The following OTUD7A variants were observed in gnomAD, a reference collection of about 807,000 sequenced individuals.
The protein encoded by OTUD7A is OTU domain-containing protein 7A.
Under a neutral mutation model 65.7 loss-of-function variants are expected in OTUD7A, and 12 were observed. That is an observed-to-expected ratio of 0.18 (90% CI 0.12 to 0.30). The LOEUF (loss-of-function observed/expected upper bound fraction) is 0.30. Ranked by LOEUF, OTUD7A falls within the 10% of genes least tolerant of loss-of-function variation. The pLI is 1.00. For missense variants in OTUD7A, 1,148 were observed against 1,304.8 expected, an observed-to-expected ratio of 0.88 and a Z score of 1.85; for synonymous variants, 641 against 586.3, an observed-to-expected ratio of 1.09 and a Z score of -1.35.
At chr15:31,735,515 CA>C (rs1436222047) in intron 1 of OTUD7A, among the ~76,000 whole-genome samples, 1 of 136,950 alleles carries the variant, frequency 7.3e-6, no homozygotes, top group Non-Finnish European at 1.6e-5. Context: ...GCCTGGGCAA[CA>C]GAGTGAAACT....
At chr15:31,773,097 A>G (rs948391363) in intron 1 of OTUD7A, among the ~76,000 whole-genome samples, 20 of 152,248 alleles carry the variant, frequency 1.3e-4, no homozygotes, top group African/African-American at 4.6e-4. Flanking sequence ...TATAAATTCT[A>G]TAAACATTTA....
chr15:31,846,268 TA>T (rs1256243638), intron 1 of OTUD7A, among the ~76,000 whole-genome samples: 41 of 152,352 alleles, frequency 2.7e-4, no homozygotes, highest in African/African-American at 9.6e-4. Flanking sequence ...ACCAGATGGG[TA>T]AGTTGGCCCA....
intron 3 of OTUD7A, among the ~76,000 whole-genome samples, chr15:31,591,044 G>A (rs907346013): frequency 6.6e-6 from 1 of 152,152 alleles, no homozygotes; most frequent in Non-Finnish European, 1.5e-5. Context: ...GTATTGCAGA[G>A]GAGCCAGGGG....
chr15:31,540,901 T>C (rs1422680368), intron 5 of OTUD7A, among the ~76,000 whole-genome samples: 1 of 152,136 alleles, frequency 6.6e-6, no homozygotes, highest in East Asian at 1.9e-4. Context: ...TGGTGCTGCT[T>C]AAAGGGAGGT....
Position 31,679,957 on chromosome 15 carries a change from T to C in OTUD7A, c.-99-22880A>G, listed in dbSNP as rs570705312. 2.6e-5 allele frequency among the ~76,000 whole-genome samples: 4 copies of C among 152,242 alleles called. No homozygotes were observed. The East Asian group carries it at 5.8e-4, about 22-fold the overall frequency. ...GGTATTCAAAGGACCAATTAAAAAATTGGCATATTATATGATTGTGTAATT... is the reference window on the plus strand; with the variant it reads ...GGTATTCAAAGGACCAATTAAAAAACTGGCATATTATATGATTGTGTAATT... On this transcript the variant is annotated intron_variant, in intron 1 of 12. Transcript: ENST00000307050.
chr15:31,720,868 TG>T (rs1244457917), intron 1 of OTUD7A, among the ~76,000 whole-genome samples: 3 of 151,330 alleles, frequency 2.0e-5, no homozygotes, highest in African/African-American at 7.3e-5. Flanking sequence ...GCTCCATCCA[TG>T]GTAAGTGCCC....
chr15:31,833,075 G>A (rs1896974213), intron 1 of OTUD7A, among the ~76,000 whole-genome samples: 1 of 152,154 alleles, frequency 6.6e-6, no homozygotes, highest in East Asian at 1.9e-4. Context: ...CTTATTTTCT[G>A]TTTTTATTTT....
intron 3 of OTUD7A, among the ~76,000 whole-genome samples, chr15:31,636,110 T>C (rs1297650456): frequency 6.6e-6 from 1 of 152,236 alleles, no homozygotes; most frequent in East Asian, 1.9e-4. Flanking sequence ...CAGACACACC[T>C]CATTTTACTG....
chr15:31,668,459 TTTGCATTTCTATAAGTG>T (rs1409594931), intron 1 of OTUD7A, among the ~76,000 whole-genome samples: 1 of 152,180 alleles, frequency 6.6e-6, no homozygotes, highest in Non-Finnish European at 1.5e-5. Flanking sequence ...TCCAAAGCAT[TTTGCATTTCTATAAGTG>T]TGTCCAGTGT....
chr15:31,666,073 G>A (rs1342174989), intron 1 of OTUD7A, among the ~76,000 whole-genome samples: 1 of 151,734 alleles, frequency 6.6e-6, no homozygotes, highest in Non-Finnish European at 1.5e-5. Context: ...ATTTTGTTAA[G>A]GATTTTAGCA....
At chr15:31,673,356 C>T (rs759078398) in intron 1 of OTUD7A, among the ~76,000 whole-genome samples, 9 of 152,174 alleles carry the variant, frequency 5.9e-5, no homozygotes, top group Non-Finnish European at 8.8e-5. Flanking sequence ...TTTGTAAGGA[C>T]CCAAAACATG....
intron 3 of OTUD7A, among the ~76,000 whole-genome samples, chr15:31,637,277 A>G (rs545136627): frequency 1.3e-5 from 2 of 152,348 alleles, no homozygotes; most frequent in African/African-American, 4.8e-5. Flanking sequence ...TAAGAATGAC[A>G]CTAAATCTAC....
chr15:31,740,388 A>C (rs1157117440), intron 1 of OTUD7A, among the ~76,000 whole-genome samples: 1 of 142,466 alleles, frequency 7.0e-6, no homozygotes, highest in Non-Finnish European at 1.5e-5. Flanking sequence ...TAGAGCTCAC[A>C]TGTGATGGGG....
intron 1 of OTUD7A, among the ~76,000 whole-genome samples, chr15:31,686,901 T>C (rs2141313203): frequency 6.6e-6 from 1 of 152,348 alleles, no homozygotes; most frequent in Non-Finnish European, 1.5e-5. Context: ...AGTAACCTTT[T>C]CAGAGGAAGT....
At chr15:31,829,682 A>G (rs972222790) in intron 1 of OTUD7A, among the ~76,000 whole-genome samples, 10 of 152,166 alleles carry the variant, frequency 6.6e-5, no homozygotes, top group African/African-American at 2.4e-4. Flanking sequence ...TTCAGTTCTG[A>G]AGAAAGATCC....
intron 1 of OTUD7A, among the ~76,000 whole-genome samples, chr15:31,741,323 AT>A (rs1445874868): frequency 1.3e-5 from 2 of 152,308 alleles, no homozygotes; most frequent in Middle Eastern, 3.4e-3. Flanking sequence ...CAACTTCATA[AT>A]TTTTTAAAAA....
chr15:31,761,725 T>C (rs1193043844), intron 1 of OTUD7A, among the ~76,000 whole-genome samples: 1 of 152,208 alleles, frequency 6.6e-6, no homozygotes, highest in Non-Finnish European at 1.5e-5. Context: ...CATAACAGCA[T>C]TACTCATATT....
At chr15:31,810,329 T>C (rs990864363) in intron 1 of OTUD7A, among the ~76,000 whole-genome samples, 1 of 152,178 alleles carries the variant, frequency 6.6e-6, no homozygotes, top group African/African-American at 2.4e-5. Flanking sequence ...AAAATTCCTA[T>C]GTTGACGTCC....
intron 3 of OTUD7A, among the ~76,000 whole-genome samples, chr15:31,609,767 A>G (rs1329479434): frequency 6.6e-6 from 1 of 152,212 alleles, no homozygotes; most frequent in South Asian, 2.1e-4. Context: ...GCCAACCGGC[A>G]CAAAAACAGA....
Sources: gnomAD v4.1 joint callset for allele counts (sites outside exome capture counted in the v4.1 genomes callset) on GRCh38, gnomAD v4.1.1 for gene constraint, MANE v1.5 for transcripts, NCBI Gene and HGNC (gene_info 2026-07-23, HGNC 2026-07-21) for gene names.